Variants in BBS9 observed in about 807,000 individuals in gnomAD.
BBS9 encodes the protein protein PTHB1.
A neutral mutation model predicts 117.7 loss-of-function variants in BBS9; 89 were observed. That is an observed-to-expected ratio of 0.76 (90% CI 0.64 to 0.90). The LOEUF is 0.90. Ranked by LOEUF, BBS9 falls within the 40% of genes least tolerant of loss-of-function variation. The pLI is 0.00. For missense variants in BBS9, 982 were observed against 1,042.2 expected (o/e 0.94, Z 0.80); for synonymous variants, 379 against 370.9 (o/e 1.02, Z -0.25).
chr7:33,246,578 G>A lies in BBS9; in HGVS notation c.443-10658G>A, dbSNP rs1235827444. On this transcript the variant is annotated intron_variant, in intron 5 of 22. Coordinates refer to ENST00000242067, the MANE Select transcript of BBS9 (RefSeq NM_198428.3). The stretch of plus-strand genomic sequence containing the variant: ...TTATCATGATTGGCTATTACCTTGA[G>A]TAGTTTACCTTAGTTTGAAACTGGT... 2.0e-5 allele frequency among the ~76,000 whole-genome samples: 3 copies of A among 152,048 alleles called. No homozygotes were observed. The East Asian group carries it at 5.8e-4, about 29-fold the overall frequency.
intron 20 of BBS9, among the ~76,000 whole-genome samples, chr7:33,513,939 A>G (rs995898950): frequency 8.5e-5 from 13 of 152,214 alleles, no homozygotes; most frequent in African/African-American, 2.2e-4. Flanking sequence ...GAAAATGTCA[A>G]TCATAAAACT....
chr7:33,249,226 GACACACAC>G (rs143505945), intron 5 of BBS9, among the ~76,000 whole-genome samples: 1 of 148,324 alleles, frequency 6.7e-6, no homozygotes, highest in Non-Finnish European at 1.5e-5. Flanking sequence ...TGGGCATGGG[GACACACAC>G]ACACACACAC....
At chr7:33,396,914 A>G (rs968000279) in intron 19 of BBS9, among the ~76,000 whole-genome samples, 4 of 152,176 alleles carry the variant, frequency 2.6e-5, no homozygotes, top group Admixed American at 6.6e-5. Flanking sequence ...AGAATTCCCT[A>G]TTTAATAAAT....
At position 33,173,465 on chromosome 7, in the gene BBS9, G is replaced by A. The variant is rs113595966; in HGVS notation, c.329-4013G>A. ...GCGTGGTGGCAGGTCCCAGCTACTC[G>A]CGAGGATGAGGCAGGAGAATGGTGT... On this transcript the variant is annotated intron_variant, in intron 4 of 22. Transcript: ENST00000242067. Among the ~76,000 whole-genome samples, 1,066 of 151,622 alleles carry A rather than the reference G, an allele frequency of 7.0e-3. 12 individuals carry two copies. Among genetic ancestry groups the A allele is most frequent in the African/African-American group, 0.022 (895 of 41,306 alleles).
In BBS9 at chr7:33,231,428, C is replaced by CTTTTTTT. The variant is rs35407590; in HGVS notation, c.443-25797_443-25791dup. Among the ~76,000 whole-genome samples, 51 of 106,376 alleles carry CTTTTTTT rather than the reference C, an allele frequency of 4.8e-4. 1 individual carries two copies. Among genetic ancestry groups the CTTTTTTT allele is most frequent in the South Asian group, 1.0e-3 (3 of 2,938 alleles). 69.8% of individuals were successfully genotyped at this position (106,376 alleles called of 152,430 possible). A position where few individuals can be genotyped will look rare whatever the true frequency, so the allele number is the denominator to read the frequency against. On this transcript the variant is annotated intron_variant, in intron 5 of 22. Coordinates refer to ENST00000242067, the MANE Select transcript of BBS9 (RefSeq NM_198428.3). The stretch of plus-strand genomic sequence containing the variant: ...TATTCTGTTCCTCTGGCCTATGTGT[C>CTTTTTTT]TTTTTTTTTTTTTTTTTGCCAGGAC...
intron 19 of BBS9, among the ~76,000 whole-genome samples, chr7:33,438,590 A>T (rs1376668631): frequency 6.6e-6 from 1 of 152,218 alleles, no homozygotes; most frequent in Non-Finnish European, 1.5e-5. Context: ...TAAAACCCAT[A>T]GGGAAAATCC....
chr7:33,278,130 C>T (rs763052918), intron 9 of BBS9, among the ~76,000 whole-genome samples: 7 of 152,188 alleles, frequency 4.6e-5, no homozygotes, highest in Non-Finnish European at 1.0e-4. Context: ...ATGTCTCCCC[C>T]ACTGCCATAA....
intron 1 of BBS9, among the ~76,000 whole-genome samples, chr7:33,131,624 C>T (rs1309503551): frequency 1.3e-5 from 2 of 152,060 alleles, no homozygotes; most frequent in African/African-American, 4.8e-5. Flanking sequence ...GGTCTGTTTC[C>T]AGAACTGACC....
chr7:33,194,769 C>T (rs1249714149), intron 5 of BBS9, among the ~76,000 whole-genome samples: 3 of 152,152 alleles, frequency 2.0e-5, no homozygotes, highest in Admixed American at 1.3e-4. Flanking sequence ...AGAAACTTCT[C>T]TTCCATGCAG....
At chr7:33,435,317 C>T (rs1462654718) in intron 19 of BBS9, among the ~76,000 whole-genome samples, 1 of 152,046 alleles carries the variant, frequency 6.6e-6, no homozygotes, top group African/African-American at 2.4e-5. Context: ...TGTTTACTGG[C>T]TATATGAACT....
chr7:33,256,174 CAAACAAAAAAAA>C (rs1340377616), intron 5 of BBS9, among the ~76,000 whole-genome samples: 26 of 143,430 alleles, frequency 1.8e-4, no homozygotes, highest in African/African-American at 5.4e-4. Context: ...ACAAAAAAAA[CAAACAAAAAAAA>C]CCAAAACAAC....
chr7:33,514,059 A>G lies in BBS9; in HGVS notation c.2298+8414A>G, dbSNP rs184970169. Among the ~76,000 whole-genome samples, 6 of 152,344 alleles carry G rather than the reference A, an allele frequency of 3.9e-5. No homozygotes were observed. The East Asian group carries it at 1.2e-3, about 29-fold the overall frequency. On this transcript the variant is annotated intron_variant, in intron 20 of 22. Coordinates refer to ENST00000242067, the MANE Select transcript of BBS9 (RefSeq NM_198428.3). ...TAGAATTTGAATTATGAAGCACTGAAAGCAACCTAAAAGCTAATAGTTGCA... is the reference window on the plus strand; with the variant it reads ...TAGAATTTGAATTATGAAGCACTGAGAGCAACCTAAAAGCTAATAGTTGCA...
chr7:33,256,486 TTTTC>T (rs1206642694), intron 5 of BBS9, among the ~76,000 whole-genome samples: 6 of 122,834 alleles, frequency 4.9e-5, no homozygotes, highest in Non-Finnish European at 4.2e-5. Context: ...CTCTCTCTTT[TTTTC>T]TTTTTTTTTA....
chr7:33,313,556 A>T (rs1809787600), intron 9 of BBS9, among the ~76,000 whole-genome samples: 1 of 152,204 alleles, frequency 6.6e-6, no homozygotes, highest in African/African-American at 2.4e-5. Flanking sequence ...GTAACCTCTG[A>T]GTTCTTGATA....
intron 1 of BBS9, among the ~76,000 whole-genome samples, chr7:33,139,790 C>T (rs541367632): frequency 6.6e-6 from 1 of 152,252 alleles, no homozygotes; most frequent in African/African-American, 2.4e-5. Context: ...CAGGAGTGAG[C>T]AGAGGATCAC....
intron 21 of BBS9, among the ~76,000 whole-genome samples, chr7:33,629,736 A>C (rs1306935792): frequency 6.6e-6 from 1 of 152,190 alleles, no homozygotes; most frequent in African/African-American, 2.4e-5. Context: ...TCAAGTATTC[A>C]CTGTGACATA....
chr7:33,424,317 A>T (rs1584775019), intron 19 of BBS9, among the ~76,000 whole-genome samples: 1 of 152,334 alleles, frequency 6.6e-6, no homozygotes. Context: ...TTCTGCTGCC[A>T]GCTAGATGCT....
intron 4 of BBS9, among the ~76,000 whole-genome samples, chr7:33,160,212 A>C (rs1794643902): frequency 6.6e-6 from 1 of 152,190 alleles, no homozygotes; most frequent in African/African-American, 2.4e-5. Context: ...TTATTGCCTC[A>C]TTTACTTCAA....
intron 18 of BBS9, among the ~76,000 whole-genome samples, chr7:33,384,715 T>TGTGTGTGTGA (rs370625971): frequency 3.5e-5 from 5 of 144,718 alleles, no homozygotes; most frequent in African/African-American, 1.3e-4. Flanking sequence ...TGTGTGTGTG[T>TGTGTGTGTGA]GAGAGAGAGA....
Sources: gnomAD v4.1 joint callset for allele counts (sites outside exome capture counted in the v4.1 genomes callset) on GRCh38, gnomAD v4.1.1 for gene constraint, MANE v1.5 for transcripts, NCBI Gene and HGNC (gene_info 2026-07-23, HGNC 2026-07-21) for gene names.